VPS13B: variants seen among roughly 807,000 people sequenced by gnomAD.
VPS13B encodes vacuolar protein sorting 13 homolog B.
VPS13B carries 285 observed loss-of-function variants against 426.4 expected under a neutral mutation model. The observed-to-expected ratio is 0.67, with a 90% CI of 0.61 to 0.74. VPS13B has a LOEUF of 0.74. Among genes scored for constraint, VPS13B ranks in the 30% least tolerant of loss-of-function variants. The probability of loss-of-function intolerance (pLI) is 0.00; values close to 1 mark genes in which losing one functional copy is unlikely to be tolerated. For synonymous variants in VPS13B, 1,676 were observed against 1,676.4 expected (o/e 1.00, Z 0.01); for missense variants, 4,537 against 4,782.6 (o/e 0.95, Z 1.51).
At chr8:99,545,088 C>T (rs982658088) in intron 30 of VPS13B, among the ~76,000 whole-genome samples, 1 of 152,102 alleles carries the variant, frequency 6.6e-6, no homozygotes, top group African/African-American at 2.4e-5. Context: ...CACCACCTTC[C>T]TCTGTTCTGT....
At chr8:99,642,584 AC>A (rs1314577799) in intron 34 of VPS13B, 86 bp downstream of exon 34, 46 of 1,231,314 alleles carry the variant, frequency 3.7e-5, no homozygotes, top group Non-Finnish European at 4.9e-5. Flanking sequence ...TTAAACAGAA[AC>A]AGCTGGCAGA....
chr8:99,123,532 A>G (rs563531532), intron 8 of VPS13B, among the ~76,000 whole-genome samples: 3 of 152,262 alleles, frequency 2.0e-5, no homozygotes, highest in Admixed American at 6.5e-5. Context: ...TAGAAGAATT[A>G]TATGATCTGG....
chr8:99,274,175 C>G (rs1588198490), intron 17 of VPS13B, 23 bp from the exon 18 acceptor site: 1 of 1,613,938 alleles, frequency 6.2e-7, no homozygotes, highest in East Asian at 2.2e-5. Flanking sequence ...TCGGCTAGTA[C>G]ATTTGCAGTT....
intron 35 of VPS13B, among the ~76,000 whole-genome samples, chr8:99,675,809 T>A (rs1390226066): frequency 6.6e-6 from 1 of 152,084 alleles, no homozygotes; most frequent in East Asian, 1.9e-4. Context: ...ATTCTTTCAA[T>A]CTCTTAAATT....
chr8:99,780,253 A>G (rs2130686264), intron 42 of VPS13B, among the ~76,000 whole-genome samples: 1 of 152,238 alleles, frequency 6.6e-6, no homozygotes, highest in South Asian at 2.1e-4. Flanking sequence ...TTTTGGTTGT[A>G]TTTTGAACAA....
At chr8:99,197,393 A>G (rs1372245580) in intron 17 of VPS13B, among the ~76,000 whole-genome samples, 1 of 152,168 alleles carries the variant, frequency 6.6e-6, no homozygotes, top group Non-Finnish European at 1.5e-5. Context: ...GAAGTGATCA[A>G]TATTAGTTGT....
chr8:99,162,429 G>A (rs185840155), intron 15 of VPS13B, among the ~76,000 whole-genome samples: 159 of 152,316 alleles, frequency 1.0e-3, no homozygotes, highest in African/African-American at 3.7e-3. Context: ...TCCGGAGTTG[G>A]TGGGTTCTTG....
At chr8:99,714,913 G>GA (rs1413570460) in intron 36 of VPS13B, among the ~76,000 whole-genome samples, 2 of 152,032 alleles carry the variant, frequency 1.3e-5, no homozygotes, top group Non-Finnish European at 2.9e-5. Context: ...AAATTAGTGG[G>GA]AAAAATGGCA....
intron 33 of VPS13B, among the ~76,000 whole-genome samples, chr8:99,586,546 A>G (rs1826308712): frequency 6.6e-6 from 1 of 152,172 alleles, no homozygotes; most frequent in African/African-American, 2.4e-5. Context: ...TTATGGCCTG[A>G]CTTTTAATAT....
At chr8:99,706,305 C>T (rs1385272143) in intron 36 of VPS13B, among the ~76,000 whole-genome samples, 1 of 152,130 alleles carries the variant, frequency 6.6e-6, no homozygotes, top group Non-Finnish European at 1.5e-5. Context: ...GCAAGAGAGA[C>T]ATTTATTAAT....
intron 39 of VPS13B, among the ~76,000 whole-genome samples, chr8:99,726,197 C>T (rs879563496): frequency 6.6e-6 from 1 of 152,114 alleles, no homozygotes; most frequent in African/African-American, 2.4e-5. Flanking sequence ...ATAAAAACCT[C>T]AAAAGTAATG....
At chr8:99,450,176 A>G (rs1181183714) in intron 23 of VPS13B, among the ~76,000 whole-genome samples, 1 of 152,188 alleles carries the variant, frequency 6.6e-6, no homozygotes, top group Non-Finnish European at 1.5e-5. Context: ...TTTAATAAAT[A>G]ATTTGTTTAA....
At chr8:99,132,904 C>G (rs186036008) in intron 8 of VPS13B, among the ~76,000 whole-genome samples, 2 of 151,836 alleles carry the variant, frequency 1.3e-5, no homozygotes, top group East Asian at 3.9e-4. Context: ...CATTTTTTTT[C>G]CATTCATAGA....
intron 35 of VPS13B, among the ~76,000 whole-genome samples, chr8:99,685,091 G>A (rs1877264): frequency 0.24 from 36,586 of 152,192 alleles, 5,424 homozygotes; most frequent in South Asian, 0.49. Flanking sequence ...ATGAGCCACC[G>A]CGCCTGGCCC....
At chr8:99,429,363 C>A (rs1169548176) in intron 21 of VPS13B, among the ~76,000 whole-genome samples, 2 of 150,082 alleles carry the variant, frequency 1.3e-5, no homozygotes, top group African/African-American at 4.9e-5. Context: ...ATTTTTATTT[C>A]TTTGTTAGCA....
chr8:99,423,051 T>C (rs1383061768), intron 21 of VPS13B, among the ~76,000 whole-genome samples: 1 of 152,180 alleles, frequency 6.6e-6, no homozygotes, highest in Non-Finnish European at 1.5e-5. Flanking sequence ...ATTTCCAAAT[T>C]AGCTGTTTCT....
chr8:99,066,994 C>T (rs1267266711), intron 3 of VPS13B, among the ~76,000 whole-genome samples: 1 of 152,134 alleles, frequency 6.6e-6, no homozygotes, highest in African/African-American at 2.4e-5. Context: ...CAGGAAACAA[C>T]AGATGCTGGA....
In VPS13B at chr8:99,699,630, T is replaced by C; in HGVS notation, c.6152T>C (p.Leu2051Ser). The C allele has an allele frequency of 6.2e-7, 1 of 1,614,178 alleles. No homozygotes were observed. Among genetic ancestry groups the C allele is most frequent in the African/African-American group, 1.3e-5 (1 of 75,058 alleles). ...AAGAAGATAAAAAATGCACACAGTT[T>C]GGCACATAGTGAAGAGACTTCAGCC... ...FLKKIKNAHS[L>S]AHSEETSAMS... Residue 2051 changes from leucine (L) to serine (S), a missense_variant, in exon 36 of 62, where the codon TTG becomes TCG. This residue lies in a region of VPS13B where 4,311 missense variants were observed against 4,474.3 expected (regional missense o/e 0.96). Coordinates refer to ENST00000357162, the MANE Select transcript of VPS13B (RefSeq NM_152564.5).
chr8:99,836,067 G>A (rs60907828), intron 54 of VPS13B, among the ~76,000 whole-genome samples: 24,798 of 152,092 alleles, frequency 0.16, 2,527 homozygotes, highest in East Asian at 0.34. Context: ...TTTTAGTACA[G>A]TCATAATACA....
Sources: gnomAD v4.1 joint callset for allele counts (sites outside exome capture counted in the v4.1 genomes callset) on GRCh38, gnomAD v4.1.1 for gene constraint, gnomAD v4.1.1 regional missense constraint, MANE v1.5 for transcripts, NCBI Gene and HGNC (gene_info 2026-07-23, HGNC 2026-07-21) for gene names.